The following LMO7 variants were observed in gnomAD, a reference collection of about 807,000 sequenced individuals.
The protein encoded by LMO7 is LIM domain 7.
In LMO7, 120 loss-of-function variants were observed where a neutral mutation model predicts 206.5. The ratio of observed to expected loss-of-function variants is 0.58; its 90% CI spans 0.50 to 0.68. The LOEUF is 0.68. Ranked by LOEUF, LMO7 falls within the 30% of genes least tolerant of loss-of-function variation. The pLI, the probability that LMO7 is intolerant of heterozygous loss-of-function variation, is 0.00. For synonymous variants in LMO7, 706 were observed against 681.5 expected (o/e 1.04, Z -0.56); for missense variants, 1,959 against 1,957.9 (o/e 1.00, Z -0.01).
In LMO7 at chr13:75,823,747, C is replaced by T. The variant is rs774256622; in HGVS notation, c.2823C>T (p.Phe941=). Reference sequence around the variant, plus strand: ...GGCTGCCCTCTCCTACATCCCCCTTCTCATCTCTTTCCCAAGACCAGGCTG... The same window carrying T: ...GGCTGCCCTCTCCTACATCCCCCTTTTCATCTCTTTCCCAAGACCAGGCTG... ...VTRLPSPTSP[F]SSLSQDQAAT... The change falls in exon 15 of 31, where the codon TTC becomes TTT. Residue 941 remains phenylalanine, a synonymous_variant. Coordinates refer to ENST00000377534, the MANE Select transcript of LMO7 (RefSeq NM_001306080.2). 7.4e-6 allele frequency: 12 copies of T among 1,614,050 alleles called. No homozygotes were observed. The highest frequency in any genetic ancestry group is 2.7e-5 in the African/African-American group (2 of 74,946).
intron 3 of LMO7, among the ~76,000 whole-genome samples, chr13:75,745,028 AC>A (rs1202405317): frequency 6.6e-6 from 1 of 152,236 alleles, no homozygotes; most frequent in Non-Finnish European, 1.5e-5. Flanking sequence ...CACTGAAAAA[AC>A]AATGTGAATA....
intron 2 of LMO7, chr13:75,626,998 AG>A (rs2034283047): frequency 6.6e-6 from 1 of 152,150 alleles, no homozygotes; most frequent in Non-Finnish European, 1.5e-5. Flanking sequence ...AGGGGAATGA[AG>A]GGGTTATTAT....
In LMO7 at chr13:75,727,018, T is replaced by C; in HGVS notation, c.141-11T>C. 1 of 1,488,790 alleles carries C rather than the reference T, an allele frequency of 6.7e-7. No individual in the cohort carries two copies. 92.2% of individuals were successfully genotyped at this position (1,488,790 alleles called of 1,614,324 possible). A position where few individuals can be genotyped will look rare whatever the true frequency, so the allele number is the denominator to read the frequency against. Reference sequence around the variant, plus strand: ...ATCTTGTAATTGCATCTGTTATTTATTTACTTTCAGTTTGATTAATAAGCT... The same window carrying C: ...ATCTTGTAATTGCATCTGTTATTTACTTACTTTCAGTTTGATTAATAAGCT... On this transcript the variant is annotated splice_polypyrimidine_tract_variant and intron_variant, in intron 2 of 30. Coordinates refer to ENST00000377534, the MANE Select transcript of LMO7 (RefSeq NM_001306080.2).
At chr13:75,845,194 C>T (rs983493671) in intron 25 of LMO7, 133 bp from the exon 26 acceptor site, 11 of 473,688 alleles carry the variant, frequency 2.3e-5, no homozygotes, top group African/African-American at 8.2e-5. Context: ...TTGGTTTAAA[C>T]ATAATTGCTC....
intron 1 of LMO7, among the ~76,000 whole-genome samples, chr13:75,643,077 A>G (rs2036703705): frequency 6.6e-6 from 1 of 152,192 alleles, no homozygotes; most frequent in Non-Finnish European, 1.5e-5. Context: ...AGAAAGAGGA[A>G]TGGTGTCCTG....
At chr13:75,679,425 A>G (rs1233763700) in intron 1 of LMO7, among the ~76,000 whole-genome samples, 1 of 152,196 alleles carries the variant, frequency 6.6e-6, no homozygotes, top group Non-Finnish European at 1.5e-5. Context: ...TAAGACTCAG[A>G]TGAAAAAATG....
At chr13:75,642,055 A>G (rs1380550111) in intron 1 of LMO7, among the ~76,000 whole-genome samples, 1 of 152,208 alleles carries the variant, frequency 6.6e-6, no homozygotes, top group Non-Finnish European at 1.5e-5. Context: ...AGGGGTGGCA[A>G]GAGATGAGGG....
intron 3 of LMO7, among the ~76,000 whole-genome samples, chr13:75,731,258 G>A (rs892779681): frequency 6.6e-6 from 1 of 152,170 alleles, no homozygotes; most frequent in African/African-American, 2.4e-5. Flanking sequence ...TATTGTGTGG[G>A]AGTCTAAGTC....
intron 4 of LMO7, among the ~76,000 whole-genome samples, chr13:75,794,221 A>G (rs2053672515): frequency 6.6e-6 from 1 of 152,224 alleles, no homozygotes; most frequent in Non-Finnish European, 1.5e-5. Flanking sequence ...TAGCTTGAAT[A>G]GATATTACCA....
At chr13:75,703,304 G>A (rs1165191740) in intron 1 of LMO7, among the ~76,000 whole-genome samples, 3 of 152,230 alleles carry the variant, frequency 2.0e-5, no homozygotes, top group African/African-American at 7.2e-5. Context: ...TTCAGCCAGT[G>A]AGAAGTTGGG....
At chr13:75,853,426 T>G (rs2060652289) in intron 28 of LMO7, 38 bp downstream of exon 28, 1 of 1,505,668 alleles carries the variant, frequency 6.6e-7, no homozygotes, top group African/African-American at 1.4e-5. Context: ...CTCTTAGTCT[T>G]GGGTATTTTT....
intron 4 of LMO7, among the ~76,000 whole-genome samples, chr13:75,769,924 A>G (rs2049406166): frequency 2.0e-5 from 3 of 152,136 alleles, no homozygotes; most frequent in African/African-American, 7.2e-5. Context: ...GAATTAGTGT[A>G]TCTGGGTCAA....
intron 6 of LMO7, among the ~76,000 whole-genome samples, chr13:75,799,702 C>T (rs1277877391): frequency 6.6e-6 from 1 of 152,114 alleles, no homozygotes; most frequent in African/African-American, 2.4e-5. Flanking sequence ...GTAAGCTCAT[C>T]TGAAAGTAAC....
chr13:75,739,855 C>T lies in LMO7; in HGVS notation c.210+12757C>T, dbSNP rs17064984. On this transcript the variant is annotated intron_variant, in intron 3 of 30. Transcript: ENST00000377534. ...TGTTTGTCCTATCCCCACTTATTCTCTCTTCAGGAGGAGAGGGGAGGTTTG... is the reference window on the plus strand; with the variant it reads ...TGTTTGTCCTATCCCCACTTATTCTTTCTTCAGGAGGAGAGGGGAGGTTTG... 6.1e-3 allele frequency among the ~76,000 whole-genome samples: 930 copies of T among 152,282 alleles called. 9 individuals carry two copies. The highest frequency in any genetic ancestry group is 0.02 in the African/African-American group (845 of 41,546).
At chr13:75,713,832 T>C (rs2138137388) in intron 2 of LMO7, among the ~76,000 whole-genome samples, 1 of 152,224 alleles carries the variant, frequency 6.6e-6, no homozygotes, top group South Asian at 2.1e-4. Flanking sequence ...AAGGCCTACA[T>C]TGTATGTGTA....
intron 1 of LMO7, among the ~76,000 whole-genome samples, chr13:75,693,692 G>A (rs989995274): frequency 6.6e-6 from 1 of 152,186 alleles, no homozygotes; most frequent in Non-Finnish European, 1.5e-5. Flanking sequence ...TCCTGCCAAA[G>A]GCTCAGAGTG....
chr13:75,805,623 G>C lies in LMO7; in HGVS notation c.1059G>C (p.Lys353Asn). 2 of 1,614,060 alleles carry C rather than the reference G, an allele frequency of 1.2e-6. No individual in the cohort carries two copies. The highest frequency in any genetic ancestry group is 1.1e-5 in the South Asian group (1 of 91,086). Residue 353 changes from lysine to asparagine, a missense_variant, in exon 9 of 31, where the codon AAG becomes AAC. Lys to Asn is a moderately conservative substitution (Grantham distance 94). Coordinates refer to ENST00000377534, the MANE Select transcript of LMO7 (RefSeq NM_001306080.2). ...NIVKDDLYVR[K>N]LSPVMPNPGN... Reference sequence around the variant, plus strand: ...TAAAGGATGATCTTTATGTGCGCAAGCTCAGTCCAGTCATGCCAAACCCAG... The same window carrying C: ...TAAAGGATGATCTTTATGTGCGCAACCTCAGTCCAGTCATGCCAAACCCAG...
chr13:75,720,228 A>G (rs2043903288), intron 2 of LMO7, among the ~76,000 whole-genome samples: 1 of 152,130 alleles, frequency 6.6e-6, no homozygotes. Flanking sequence ...TATTTTAGAT[A>G]AGAGTCCTTT....
intron 4 of LMO7, among the ~76,000 whole-genome samples, chr13:75,793,215 T>A (rs577637769): frequency 6.6e-6 from 1 of 152,344 alleles, no homozygotes; most frequent in South Asian, 2.1e-4. Context: ...CTGTTTTTTG[T>A]TGTCAGTTTC....
Sources: gnomAD v4.1 joint callset for allele counts (sites outside exome capture counted in the v4.1 genomes callset) on GRCh38, gnomAD v4.1.1 for gene constraint, MANE v1.5 for transcripts, NCBI Gene and HGNC (gene_info 2026-07-23, HGNC 2026-07-21) for gene names.